The following CSMD1 variants were observed in gnomAD, a reference collection of about 807,000 sequenced individuals.
The protein encoded by CSMD1 is CUB and sushi domain-containing protein 1.
In CSMD1, 213 loss-of-function variants were observed where a neutral mutation model predicts 417.5. The observed-to-expected ratio is 0.51, with a 90% CI of 0.46 to 0.57. The LOEUF (loss-of-function observed/expected upper bound fraction) is 0.57, where lower values mean the gene tolerates loss of function less well. CSMD1 is among the 20% of genes least tolerant of loss of function. CSMD1 has a pLI of 0.00. For missense variants in CSMD1, 6,923 were observed against 4,529.7 expected, an observed-to-expected ratio of 1.53 and a Z score of -15.17; for synonymous variants, 2,862 against 1,736.8, an observed-to-expected ratio of 1.65 and a Z score of -16.11.
At chr8:4,024,452 T>C (rs1269040705) in intron 4 of CSMD1, among the ~76,000 whole-genome samples, 1 of 152,200 alleles carries the variant, frequency 6.6e-6, no homozygotes, top group African/African-American at 2.4e-5. Context: ...ATGTTACTGA[T>C]CTTCAATGTT....
intron 6 of CSMD1, among the ~76,000 whole-genome samples, chr8:3,740,930 AG>A (rs1433687747): frequency 1.3e-5 from 2 of 151,976 alleles, no homozygotes; most frequent in Non-Finnish European, 2.9e-5. Context: ...AAGAAGATAG[AG>A]GGGGCCAGGG....
intron 26 of CSMD1, among the ~76,000 whole-genome samples, chr8:3,262,266 T>G (rs1164665787): frequency 7.4e-6 from 1 of 135,164 alleles, no homozygotes; most frequent in Non-Finnish European, 1.5e-5. Context: ...TCCGAGAGGT[T>G]AAAACATTGC....
chr8:3,943,700 C>A (rs1024162278), intron 5 of CSMD1, among the ~76,000 whole-genome samples: 1 of 152,022 alleles, frequency 6.6e-6, no homozygotes, highest in South Asian at 2.1e-4. Flanking sequence ...AGACACAATG[C>A]CAATTCTGGA....
intron 5 of CSMD1, among the ~76,000 whole-genome samples, chr8:3,943,755 G>A (rs568516383): frequency 5.6e-4 from 85 of 152,010 alleles, no homozygotes; most frequent in African/African-American, 1.9e-3. Flanking sequence ...TAATCACAAA[G>A]AAACAGTTAA....
intron 3 of CSMD1, among the ~76,000 whole-genome samples, chr8:4,366,778 T>A (rs1486152415): frequency 6.6e-6 from 1 of 152,166 alleles, no homozygotes; most frequent in Non-Finnish European, 1.5e-5. Context: ...TACATACATA[T>A]ACATGTGCCA....
chr8:3,848,552 A>T (rs1230425161), intron 5 of CSMD1, among the ~76,000 whole-genome samples: 1 of 152,210 alleles, frequency 6.6e-6, no homozygotes, highest in East Asian at 1.9e-4. Flanking sequence ...ATACCACTTT[A>T]ATTTCACCTT....
At chr8:4,369,049 T>G (rs1802253271) in intron 3 of CSMD1, among the ~76,000 whole-genome samples, 1 of 152,132 alleles carries the variant, frequency 6.6e-6, no homozygotes, top group Non-Finnish European at 1.5e-5. Context: ...GGTTGCTAAT[T>G]TAAGATCTTT....
intron 1 of CSMD1, among the ~76,000 whole-genome samples, chr8:4,873,480 C>A (rs930842303): frequency 5.3e-5 from 8 of 152,102 alleles, no homozygotes; most frequent in African/African-American, 1.9e-4. Context: ...AATTTTACTT[C>A]TTAAAACTGA....
chr8:3,342,968 C>T (rs985475808), intron 23 of CSMD1, among the ~76,000 whole-genome samples: 11 of 151,942 alleles, frequency 7.2e-5, no homozygotes, highest in Non-Finnish European at 1.3e-4. Context: ...CTAAAGCCTT[C>T]ATATATAAGC....
At chr8:4,888,792 T>C (rs73659282) in intron 1 of CSMD1, among the ~76,000 whole-genome samples, 2,561 of 152,028 alleles carry the variant, frequency 0.017, 100 homozygotes, top group African/African-American at 0.058. Flanking sequence ...ACAGGACATA[T>C]CAAAAGGTCA....
At chr8:4,899,382 G>A (rs1052345008) in intron 1 of CSMD1, among the ~76,000 whole-genome samples, 4 of 152,088 alleles carry the variant, frequency 2.6e-5, no homozygotes, top group Non-Finnish European at 4.4e-5. Context: ...AATATACTGA[G>A]GAATTATTTG....
At chr8:3,512,126 G>A (rs531231479) in intron 10 of CSMD1, among the ~76,000 whole-genome samples, 2 of 152,248 alleles carry the variant, frequency 1.3e-5, no homozygotes, top group Non-Finnish European at 2.9e-5. Context: ...CTGGACTGTG[G>A]CCCCAACCAC....
intron 1 of CSMD1, among the ~76,000 whole-genome samples, chr8:4,845,805 A>T (rs1007970587): frequency 1.3e-5 from 2 of 152,202 alleles, no homozygotes; most frequent in African/African-American, 2.4e-5. Flanking sequence ...TTTACTAAAG[A>T]CAATTGATAT....
chr8:3,656,211 T>C (rs1213068018), intron 7 of CSMD1, among the ~76,000 whole-genome samples: 1 of 152,158 alleles, frequency 6.6e-6, no homozygotes, highest in Non-Finnish European at 1.5e-5. Context: ...CAGAAGCCGC[T>C]GTTAGACATA....
chr8:4,352,795 G>A (rs1446221689), intron 3 of CSMD1, among the ~76,000 whole-genome samples: 1 of 152,228 alleles, frequency 6.6e-6, no homozygotes, highest in African/African-American at 2.4e-5. Context: ...TGTGGACATG[G>A]CTGTTGCCGT....
intron 3 of CSMD1, among the ~76,000 whole-genome samples, chr8:4,344,890 T>C (rs913624116): frequency 2.6e-5 from 4 of 152,108 alleles, no homozygotes; most frequent in African/African-American, 9.7e-5. Context: ...CTCAAATACG[T>C]CATGGACAAG....
intron 5 of CSMD1, among the ~76,000 whole-genome samples, chr8:3,984,831 G>C (rs181229925): frequency 3.3e-5 from 5 of 149,438 alleles, no homozygotes; most frequent in African/African-American, 7.4e-5. Flanking sequence ...GGGAATGGAA[G>C]AGAAAAAGGA....
At chr8:3,997,029 C>G (rs1336750985) in intron 5 of CSMD1, among the ~76,000 whole-genome samples, 1 of 152,144 alleles carries the variant, frequency 6.6e-6, no homozygotes, top group African/African-American at 2.4e-5. Flanking sequence ...TCATAAATGG[C>G]CAACATTTCC....
At chr8:4,543,478 C>G (rs1797490273) in intron 2 of CSMD1, among the ~76,000 whole-genome samples, 2 of 152,034 alleles carry the variant, frequency 1.3e-5, no homozygotes, top group Admixed American at 1.3e-4. Flanking sequence ...TAATTGTTTC[C>G]CTTTAGCCCT....
Sources: allele counts gnomAD v4.1 joint callset (sites outside exome capture counted in the v4.1 genomes callset), GRCh38; gene constraint gnomAD v4.1.1; transcripts MANE v1.5; gene names NCBI Gene and HGNC (gene_info 2026-07-23, HGNC 2026-07-21).